The following CSTF1 variants were observed in gnomAD, a reference collection of about 807,000 sequenced individuals.
CSTF1 encodes the protein cleavage stimulation factor subunit 1, also known as CF-1 50 kDa subunit.
CSTF1 carries 2 observed loss-of-function variants against 40.9 expected under a neutral mutation model. The ratio of observed to expected loss-of-function variants is 0.05; its 90% CI spans 0.02 to 0.15. The LOEUF (loss-of-function observed/expected upper bound fraction) is 0.15. Among genes scored for constraint, CSTF1 ranks in the 10% least tolerant of loss-of-function variants. The pLI is 1.00. For synonymous variants in CSTF1, 218 were observed against 207.2 expected (o/e 1.05, Z -0.45); for missense variants, 279 against 558.9 (o/e 0.50, Z 5.05).
In CSTF1 at chr20:56,397,809, C is replaced by T. The variant is rs1987560476; in HGVS notation, c.613C>T (p.Pro205Ser). 6.2e-7 allele frequency: 1 copy of T among 1,613,752 alleles called. No individual in the cohort carries two copies. The highest frequency in any genetic ancestry group is 1.3e-5 in the African/African-American group (1 of 74,924). Residue 205 changes from proline (P) to serine (S), a missense_variant, in exon 4 of 6, where the codon CCA becomes TCA. Transcript: ENST00000217109. The surrounding 1 kb of genome is among the most constrained non-coding windows in gnomAD (Gnocchi z 4.4). ...YTLKLFDYSK[P>S]SAKRAFKYIQ... ...TCTTAAATTATTTGATTATTCCAAACCATCAGCAAAAAGAGCCTTCAAATA... is the reference window on the plus strand; with the variant it reads ...TCTTAAATTATTTGATTATTCCAAATCATCAGCAAAAAGAGCCTTCAAATA...
intron 5 of CSTF1, among the ~76,000 whole-genome samples, chr20:56,402,512 T>C (rs1456944092): frequency 1.3e-5 from 2 of 152,252 alleles, no homozygotes; most frequent in Non-Finnish European, 2.9e-5. Context: ...GGAAAGTAGA[T>C]ATTCATATAC....
At chr20:56,403,377 A>G in intron 5 of CSTF1, 91 bp from the exon 6 acceptor site, 1 of 1,473,258 alleles carries the variant, frequency 6.8e-7, no homozygotes, top group South Asian at 1.2e-5. Context: ...TCACTGCAAC[A>G]GGTTTAAAAT....
At position 56,397,544 on chromosome 20, in the gene CSTF1, A is replaced by G. The variant is rs1987551922; in HGVS notation, c.447+60A>G. On this transcript the variant is annotated intron_variant, in intron 3 of 5. Coordinates refer to ENST00000217109, the MANE Select transcript of CSTF1 (RefSeq NM_001324.3). This position sits in a 1 kb window ranked among gnomAD's most constrained non-coding sequence, Gnocchi z 4.4. Reference sequence around the variant, plus strand: ...TCTGTTTTTCATTTTTGGAAAAATGAGAGTATGGTTGAAACCAGCTTTAGT... The same window carrying G: ...TCTGTTTTTCATTTTTGGAAAAATGGGAGTATGGTTGAAACCAGCTTTAGT... 2 of 1,600,350 alleles carry G rather than the reference A, an allele frequency of 1.2e-6. No homozygotes were observed. The highest frequency in any genetic ancestry group is 8.5e-7 in the Non-Finnish European group (1 of 1,170,680).
At chr20:56,400,174 T>TAAGTTTGCATTG (rs1225934773) in intron 5 of CSTF1, among the ~76,000 whole-genome samples, 1 of 152,212 alleles carries the variant, frequency 6.6e-6, no homozygotes, top group African/African-American at 2.4e-5. Context: ...GGATTGTGTT[T>TAAGTTTGCATTG]AAGTTTGCAT....
Position 56,403,693 on chromosome 20 carries a change from C to T in CSTF1, c.1262C>T (p.Ala421Val). 6.2e-7 allele frequency: 1 copy of T among 1,613,798 alleles called. No individual in the cohort carries two copies. Among genetic ancestry groups the T allele is most frequent in the Non-Finnish European group, 8.5e-7 (1 of 1,179,784 alleles). Residue 421 changes from alanine (A) to valine (V), a missense_variant, in exon 6 of 6, where the codon GCG (alanine) becomes GTG (valine). Physicochemically the swap from Ala to Val is moderately conservative, Grantham distance 64 (BLOSUM62 0). This residue lies in a region of CSTF1 where 162 missense variants were observed against 337.1 expected (regional missense o/e 0.48). Coordinates refer to ENST00000217109, the MANE Select transcript of CSTF1 (RefSeq NM_001324.3). ...ATGACGTGCAGCGATGACTTCAGAG[C>T]GCGGTTTTGGTACCGGAGATCGACC... ...GFMTCSDDFR[A>V]RFWYRRSTTD
In CSTF1 at chr20:56,397,758, C is replaced by T. The variant is rs1430889990; in HGVS notation, c.562C>T (p.Leu188=). The change falls in exon 4 of 6, where the codon CTG becomes TTG. Residue 188 remains leucine (L), a synonymous_variant. Coordinates refer to ENST00000217109, the MANE Select transcript of CSTF1 (RefSeq NM_001324.3). The surrounding 1 kb of genome is among the most constrained non-coding windows in gnomAD (Gnocchi z 4.4). ...TGCTTTCCACCCAACAGAACAGATC[C>T]TGGCTTCTGGTTCAAGGGATTATAC... The part of the protein sequence containing the change: ...CLAFHPTEQI[L]ASGSRDYTLK... 2 of 1,614,132 alleles carry T rather than the reference C, an allele frequency of 1.2e-6. No homozygotes were observed. Among genetic ancestry groups the T allele is most frequent in the Admixed American group, 3.3e-5 (2 of 60,030 alleles).
At chr20:56,403,429 G>C (rs748140012) in intron 5 of CSTF1, 39 bp from the exon 6 acceptor site, 9 of 1,610,044 alleles carry the variant, frequency 5.6e-6, no homozygotes, top group Non-Finnish European at 7.6e-6. Flanking sequence ...GGTCTAAGAT[G>C]TGGACTTAGA....
chr20:56,398,171 A>G (rs568492286), intron 4 of CSTF1, among the ~76,000 whole-genome samples: 29 of 152,386 alleles, frequency 1.9e-4, no homozygotes, highest in African/African-American at 6.7e-4. Flanking sequence ...AAAAAAGTTC[A>G]TTTGAAAGTA....
chr20:56,402,018 CA>C (rs1978471441), intron 5 of CSTF1, among the ~76,000 whole-genome samples: 1 of 152,096 alleles, frequency 6.6e-6, no homozygotes, highest in South Asian at 2.1e-4. Context: ...AAAGAAGTTA[CA>C]AATGAAGCCA....
Position 56,404,717 on chromosome 20 carries a change from C to G in CSTF1, c.*990C>G, listed in dbSNP as rs1471394910. 1 of 151,410 alleles carries G rather than the reference C, an allele frequency of 6.6e-6. No homozygotes were observed. Among genetic ancestry groups the G allele is most frequent in the Non-Finnish European group, 1.5e-5 (1 of 67,986 alleles). 9.4% of individuals were successfully genotyped at this position (151,410 alleles called of 1,614,324 possible). The stretch of plus-strand genomic sequence containing the variant: ...TTGGAGTGCAGTGGCGTGATCTCAG[C>G]TCACTGCAAGCTCCGCCTCCTGGTT... On this transcript the variant is annotated 3_prime_UTR_variant, in exon 6 of 6. Transcript: ENST00000217109.
rs189107639 is a variant in CSTF1 at position 56,403,544 on chromosome 20, C to T, written c.1113C>T (p.Pro371=). 1.6e-5 allele frequency: 26 copies of T among 1,613,950 alleles called. No individual in the cohort carries two copies. The highest frequency in any genetic ancestry group is 1.3e-4 in the African/African-American group (10 of 74,950). The stretch of plus-strand genomic sequence containing the variant: ...ACACCGAGGACTATGTGTTGCTGCC[C>T]GACGAGAGGACGATCAGTCTTTGCT... ...FNHTEDYVLL[P]DERTISLCCW... is the part of the protein sequence containing the mutation. The change falls in exon 6 of 6, where the codon CCC becomes CCT. Residue 371 remains proline (P), a synonymous_variant. Coordinates refer to ENST00000217109, the MANE Select transcript of CSTF1 (RefSeq NM_001324.3).
intron 1 of CSTF1, among the ~76,000 whole-genome samples, chr20:56,393,214 A>G (rs1987362350): frequency 6.6e-6 from 1 of 151,906 alleles, no homozygotes; most frequent in Non-Finnish European, 1.5e-5. Context: ...TGTGCTCAGC[A>G]GAAGTGAAGA....
At chr20:56,400,464 C>T (rs1055317719) in intron 5 of CSTF1, among the ~76,000 whole-genome samples, 2 of 152,034 alleles carry the variant, frequency 1.3e-5, no homozygotes, top group African/African-American at 4.8e-5. Flanking sequence ...GAAAGTACTC[C>T]CCCTATAGAA....
intron 1 of CSTF1, among the ~76,000 whole-genome samples, chr20:56,394,951 G>A (rs1390982691): frequency 6.6e-6 from 1 of 152,020 alleles, no homozygotes; most frequent in East Asian, 1.9e-4. Context: ...AGTTTTTGTA[G>A]TACAGTTGCT....
rs537884580 is a variant in CSTF1, at chr20:56,393,403, C to A, written c.-33+690C>A. Reference sequence around the variant, plus strand: ...ACGGAAATTATTCGAGTCATATTAACCCAACGTTAACAGTAGAATCTCTCA... The same window carrying A: ...ACGGAAATTATTCGAGTCATATTAAACCAACGTTAACAGTAGAATCTCTCA... On this transcript the variant is annotated intron_variant, in intron 1 of 5. Coordinates refer to ENST00000217109, the MANE Select transcript of CSTF1 (RefSeq NM_001324.3). Among the ~76,000 whole-genome samples the A allele has an allele frequency of 1.2e-4, 18 of 152,168 alleles. No individual in the cohort carries two copies. In the South Asian group the frequency reaches 3.7e-3, roughly 32 times the overall value.
At chr20:56,402,461 C>T (rs1398119107) in intron 5 of CSTF1, among the ~76,000 whole-genome samples, 1 of 152,104 alleles carries the variant, frequency 6.6e-6, no homozygotes, top group East Asian at 1.9e-4. Context: ...TACTTTTAAA[C>T]ATAAAATATG....
At chr20:56,396,130 A>G in intron 2 of CSTF1, among the ~76,000 whole-genome samples, 1 of 152,044 alleles carries the variant, frequency 6.6e-6, no homozygotes, top group Non-Finnish European at 1.5e-5. Context: ...TTCCTTTATC[A>G]TTTGGGCTGT....
At chr20:56,403,355 G>A (rs1350450220) in intron 5 of CSTF1, 113 bp from the exon 6 acceptor site, 3 of 1,253,912 alleles carry the variant, frequency 2.4e-6, no homozygotes, top group Admixed American at 1.9e-5. Context: ...TTCTGAAAGT[G>A]TACAAGGTGT....
rs1359216690 is a variant in CSTF1 at position 56,398,255 on chromosome 20, T to C, written c.645+414T>C. Among the ~76,000 whole-genome samples, 4 of 152,344 alleles carry C rather than the reference T, an allele frequency of 2.6e-5. No homozygotes were observed. The East Asian group carries it at 5.8e-4, about 22-fold the overall frequency. On this transcript the variant is annotated intron_variant, in intron 4 of 5. Transcript: ENST00000217109. Reference sequence around the variant, plus strand: ...CATTGCAGAAATACTAATGTTTTAGTTGTGGCTTCTGTCTGTTTGATAATT... The same window carrying C: ...CATTGCAGAAATACTAATGTTTTAGCTGTGGCTTCTGTCTGTTTGATAATT...
Sources: allele counts gnomAD v4.1 joint callset (sites outside exome capture counted in the v4.1 genomes callset), GRCh38; gene constraint gnomAD v4.1.1; regional missense constraint gnomAD v4.1.1; non-coding constraint Gnocchi (gnomAD v3.1); transcripts MANE v1.5; gene names NCBI Gene and HGNC (gene_info 2026-07-23, HGNC 2026-07-21).